GAS7: variants seen among roughly 807,000 people sequenced by gnomAD.
GAS7 encodes growth arrest specific 7, also known as growth arrest-specific protein 7.
In GAS7, 28 loss-of-function variants were observed where a neutral mutation model predicts 71.1. The observed-to-expected ratio is 0.39, with a 90% CI of 0.29 to 0.54. GAS7 has a LOEUF of 0.54. GAS7 is among the 20% of genes least tolerant of loss of function. GAS7 has a pLI of 0.62. For missense variants in GAS7, 436 were observed against 627.8 expected (o/e 0.69, Z 3.27); for synonymous variants, 258 against 245.8 (o/e 1.05, Z -0.46).
Position 9,915,506 on chromosome 17 carries a change from T to C in GAS7, c.*1722A>G. 3 of 228,698 alleles carry C rather than the reference T, an allele frequency of 1.3e-5. No homozygotes were observed. The East Asian group carries it at 1.9e-4, about 14-fold the overall frequency. The allele number at this position is 228,698 out of a possible 1,614,324, so 14.2% of individuals were successfully genotyped here. On this transcript the variant is annotated 3_prime_UTR_variant, in exon 14 of 14. Transcript: ENST00000432992. Reference sequence around the variant, plus strand: ...GGTGAAGGCCTTTGTGCTGACCTTTTTGGTTGCAATGTTTCAAGAACAAGA... The same window carrying C: ...GGTGAAGGCCTTTGTGCTGACCTTTCTGGTTGCAATGTTTCAAGAACAAGA...
chr17:9,989,841 T>C (rs1442559777), intron 2 of GAS7, among the ~76,000 whole-genome samples: 2 of 152,234 alleles, frequency 1.3e-5, no homozygotes, highest in Non-Finnish European at 2.9e-5. Flanking sequence ...TCATATTGTT[T>C]TAGCACATCA....
intron 1 of GAS7, among the ~76,000 whole-genome samples, chr17:10,025,584 A>T (rs1322792072): frequency 1.4e-5 from 2 of 138,752 alleles, no homozygotes; most frequent in South Asian, 2.2e-4. Flanking sequence ...TTCCTCCTTT[A>T]AAAAAAAAAA....
At chr17:10,040,749 G>A (rs77460621) in intron 1 of GAS7, among the ~76,000 whole-genome samples, 5,879 of 152,270 alleles carry the variant, frequency 0.039, 374 homozygotes, top group African/African-American at 0.13. Flanking sequence ...TCTCTCTGCA[G>A]TGTGGGAGGA....
intron 3 of GAS7, among the ~76,000 whole-genome samples, chr17:9,970,170 T>C (rs2069901750): frequency 6.6e-6 from 1 of 152,116 alleles, no homozygotes; most frequent in Admixed American, 6.6e-5. Flanking sequence ...ACAATTTCCC[T>C]CAGCTTTCTT....
At chr17:10,099,210 T>C (rs1470068853) in intron 1 of GAS7, among the ~76,000 whole-genome samples, 3 of 152,042 alleles carry the variant, frequency 2.0e-5, no homozygotes, top group African/African-American at 7.2e-5. Flanking sequence ...GACACACCCA[T>C]CCAAACCCTC....
intron 5 of GAS7, among the ~76,000 whole-genome samples, chr17:9,952,231 C>T (rs2069048610): frequency 6.6e-6 from 1 of 152,124 alleles, no homozygotes; most frequent in African/African-American, 2.4e-5. Flanking sequence ...CCAGGGACCA[C>T]ACTTTGAGAA....
At chr17:9,931,659 T>C (rs1364101928) in intron 9 of GAS7, among the ~76,000 whole-genome samples, 2 of 152,126 alleles carry the variant, frequency 1.3e-5, no homozygotes, top group African/African-American at 2.4e-5. Context: ...ATTCACGGAG[T>C]TCCCTTCTCT....
At position 9,969,622 on chromosome 17, in the gene GAS7, T is replaced by C; in HGVS notation, c.471+55A>G. 2 of 1,075,872 alleles carry C rather than the reference T, an allele frequency of 1.9e-6. No individual in the cohort carries two copies. Among genetic ancestry groups the C allele is most frequent in the Non-Finnish European group, 2.9e-6 (2 of 691,288 alleles). The allele number at this position is 1,075,872 out of a possible 1,614,324, so 66.6% of individuals were successfully genotyped here. On this transcript the variant is annotated intron_variant, in intron 4 of 13. Coordinates refer to ENST00000432992, the MANE Select transcript of GAS7 (RefSeq NM_201433.2). The surrounding 1 kb of genome is among the most constrained non-coding windows in gnomAD (Gnocchi z 5.5). ...CCCATGATGGACTTTGTAATGCAGTTTCCTAGGCCTGCAGAAGCAGTGACC... is the reference window on the plus strand; with the variant it reads ...CCCATGATGGACTTTGTAATGCAGTCTCCTAGGCCTGCAGAAGCAGTGACC...
At chr17:10,144,048 C>A (rs1011586987) in intron 1 of GAS7, among the ~76,000 whole-genome samples, 37 of 152,208 alleles carry the variant, frequency 2.4e-4, no homozygotes, top group Admixed American at 2.0e-3. Flanking sequence ...GCAGTGGGCT[C>A]CATATTCCAG....
rs778589127 is a variant in GAS7, at chr17:9,943,251, G to A, written c.616-15C>T. The A allele has an allele frequency of 6.8e-7, 1 of 1,466,274 alleles. No individual in the cohort carries two copies. Among genetic ancestry groups the A allele is most frequent in the Non-Finnish European group, 9.6e-7 (1 of 1,044,534 alleles). 90.8% of individuals were successfully genotyped at this position (1,466,274 alleles called of 1,614,324 possible). A position where few individuals can be genotyped will look rare whatever the true frequency, so the allele number is the denominator to read the frequency against. ...TTCTTATCAGCCTACAAAGGAAGCA[G>A]AAGCACAAGAGTTTAGGGCACGTCT... On this transcript the variant is annotated splice_polypyrimidine_tract_variant and intron_variant, in intron 6 of 13. Transcript: ENST00000432992.
Position 9,959,543 on chromosome 17 carries a change from G to A in GAS7, c.472-288C>T, listed in dbSNP as rs1198238008. On this transcript the variant is annotated intron_variant, in intron 4 of 13. Transcript: ENST00000432992. The surrounding 1 kb of genome is among the most constrained non-coding windows in gnomAD (Gnocchi z 5.0). ...CTCTTCTCTCAGTCTGTGATTTGGG[G>A]AGTTAACCCCTCCGCTGCCCTCTGC... is the stretch of plus-strand genomic sequence containing the variant. The A allele has an allele frequency of 4.1e-5, 42 of 1,035,476 alleles. No individual in the cohort carries two copies. Among genetic ancestry groups the A allele is most frequent in the African/African-American group, 1.4e-4 (9 of 62,080 alleles). The allele number at this position is 1,035,476 out of a possible 1,614,324, so 64.1% of individuals were successfully genotyped here.
chr17:10,001,283 C>G (rs188554041), intron 2 of GAS7, among the ~76,000 whole-genome samples: 4 of 152,286 alleles, frequency 2.6e-5, no homozygotes, highest in Admixed American at 2.6e-4. Context: ...TAAGCTCCAG[C>G]CCTCTCCTCT....
intron 9 of GAS7, among the ~76,000 whole-genome samples, chr17:9,933,447 G>A (rs1567790708): frequency 6.6e-6 from 1 of 152,098 alleles, no homozygotes; most frequent in African/African-American, 2.4e-5. Context: ...CCCAAGAGCT[G>A]AATGTTAAAT....
At chr17:10,043,919 T>A (rs937170162) in intron 1 of GAS7, among the ~76,000 whole-genome samples, 14 of 152,106 alleles carry the variant, frequency 9.2e-5, no homozygotes, top group Admixed American at 5.9e-4. Context: ...GGCAACAGAG[T>A]GAGACCCTGT....
rs1159825032 is a variant in GAS7, at chr17:10,071,462, A to G, written c.184-51565T>C. On this transcript the variant is annotated intron_variant, in intron 1 of 13. Transcript: ENST00000432992. Reference sequence around the variant, plus strand: ...CCCATGTCACAGAGAACAGCCAGACATGAGGAGGTGGGTGCAATCGGAGGC... The same window carrying G: ...CCCATGTCACAGAGAACAGCCAGACGTGAGGAGGTGGGTGCAATCGGAGGC... Among the ~76,000 whole-genome samples the G allele has an allele frequency of 3.3e-5, 5 of 152,202 alleles. No individual in the cohort carries two copies. In the South Asian group the frequency reaches 6.2e-4, roughly 19 times the overall value.
intron 1 of GAS7, among the ~76,000 whole-genome samples, chr17:10,085,537 T>A (rs559110149): frequency 1.3e-5 from 2 of 150,588 alleles, no homozygotes; most frequent in African/African-American, 2.4e-5. Context: ...CCAAAAAAAA[T>A]AAAAATTAGC....
intron 1 of GAS7, among the ~76,000 whole-genome samples, chr17:10,048,117 C>A (rs2073006226): frequency 6.6e-6 from 1 of 152,206 alleles, no homozygotes; most frequent in South Asian, 2.1e-4. Context: ...GCCTGGTGAA[C>A]ATGGTGAAAC....
intron 1 of GAS7, among the ~76,000 whole-genome samples, chr17:10,128,301 G>A (rs971598575): frequency 1.3e-5 from 2 of 152,220 alleles, no homozygotes; most frequent in African/African-American, 4.8e-5. Flanking sequence ...CTTGTGGAGA[G>A]TCCACAGACG....
At position 9,959,227 on chromosome 17, in the gene GAS7, T is replaced by G. The variant is rs545937399; in HGVS notation, c.500A>C (p.Lys167Thr). The G allele has an allele frequency of 1.2e-6, 2 of 1,614,170 alleles. No individual in the cohort carries two copies. The highest frequency in any genetic ancestry group is 2.7e-5 in the African/African-American group (2 of 75,064). ...TGTGATGGTGTTTTCCTTGCTCTGC[T>G]TTTTGCTTGGCGATGAGGATCCCAG... ...QNLGSSSPSK[K>T]QSKENTITIN... Residue 167 changes from lysine to threonine, a missense_variant, in exon 5 of 14, where the codon AAG (lysine) becomes ACG (threonine). Lys to Thr is a moderately conservative substitution (Grantham distance 78, BLOSUM62 -1). Coordinates refer to ENST00000432992, the MANE Select transcript of GAS7 (RefSeq NM_201433.2). This position sits in a 1 kb window ranked among gnomAD's most constrained non-coding sequence, Gnocchi z 5.0.
Sources: allele counts gnomAD v4.1 joint callset (sites outside exome capture counted in the v4.1 genomes callset), GRCh38; gene constraint gnomAD v4.1.1; non-coding constraint Gnocchi (gnomAD v3.1); transcripts MANE v1.5; gene names NCBI Gene and HGNC (gene_info 2026-07-23, HGNC 2026-07-21).